TRPC4: variants seen among roughly 807,000 people sequenced by gnomAD.
TRPC4 encodes the protein short transient receptor potential channel 4.
TRPC4 carries 49 observed loss-of-function variants against 99.4 expected under a neutral mutation model. That is an observed-to-expected ratio of 0.49 (90% CI 0.39 to 0.63). The LOEUF (loss-of-function observed/expected upper bound fraction) is 0.63. TRPC4 is among the 20% of genes least tolerant of loss of function. The probability of loss-of-function intolerance (pLI) is 0.00; values close to 1 mark genes in which losing one functional copy is unlikely to be tolerated. For missense variants in TRPC4, 898 were observed against 1,152.9 expected, an observed-to-expected ratio of 0.78 and a Z score of 3.20; for synonymous variants, 454 against 425.9, an observed-to-expected ratio of 1.07 and a Z score of -0.81.
chr13:37,637,553 T>C lies in TRPC4; in HGVS notation c.2284A>G (p.Ile762Val), dbSNP rs143708525. 43 of 1,612,892 alleles carry C rather than the reference T, an allele frequency of 2.7e-5. No individual in the cohort carries two copies. In the African/African-American group the frequency reaches 4.7e-4, roughly 18 times the overall value. Residue 762 changes from isoleucine to valine, a missense_variant, in exon 11 of 11, where the codon ATA becomes GTA. Ile to Val is a conservative substitution (Grantham distance 29, BLOSUM62 3). This residue lies in a region of TRPC4 where 346 missense variants were observed against 351.4 expected (regional missense o/e 0.98). Coordinates refer to ENST00000379705, the MANE Select transcript of TRPC4 (RefSeq NM_016179.4). ...TCCTTCGAGGCATTCGCAGATTGTA[T>C]TGTGGAAAGTTTGCTTCCTCTTAGT... ...GLLRGSKLST[I>V]QSANASKESS...
chr13:37,790,279 A>G (rs1057471180), intron 1 of TRPC4, among the ~76,000 whole-genome samples: 1 of 152,142 alleles, frequency 6.6e-6, no homozygotes, highest in Non-Finnish European at 1.5e-5. Flanking sequence ...AAGATGCATA[A>G]GACATCAGAA....
chr13:37,718,069 AC>A (rs1241036099), intron 3 of TRPC4, among the ~76,000 whole-genome samples: 2 of 152,036 alleles, frequency 1.3e-5, no homozygotes, highest in Non-Finnish European at 2.9e-5. Flanking sequence ...ATAATGGCCT[AC>A]AAAAATATAT....
rs149812902 is a variant in TRPC4, at chr13:37,697,230, G to A, written c.898-4895C>T. Among the ~76,000 whole-genome samples the A allele has an allele frequency of 4.8e-3, 736 of 152,242 alleles. 3 individuals carry two copies. Among genetic ancestry groups the A allele is most frequent in the Middle Eastern group, 0.017 (5 of 294 alleles). Reference sequence around the variant, plus strand: ...GTGAGGGGAGTGCCATGATCTGTAAGAACCACATAAATCTGTCTTCTGGGA... The same window carrying A: ...GTGAGGGGAGTGCCATGATCTGTAAAAACCACATAAATCTGTCTTCTGGGA... On this transcript the variant is annotated intron_variant, in intron 3 of 10. Transcript: ENST00000379705.
chr13:37,799,503 C>T (rs1957344587), intron 1 of TRPC4, among the ~76,000 whole-genome samples: 1 of 152,060 alleles, frequency 6.6e-6, no homozygotes, highest in South Asian at 2.1e-4. Flanking sequence ...ACTTTGATAC[C>T]TTTGTGGTTT....
At chr13:37,800,024 T>C (rs1317218799) in intron 1 of TRPC4, among the ~76,000 whole-genome samples, 1 of 152,206 alleles carries the variant, frequency 6.6e-6, no homozygotes. Context: ...AAGTGGCTAA[T>C]ATATAGGTAT....
intron 3 of TRPC4, among the ~76,000 whole-genome samples, chr13:37,744,678 G>T (rs900550644): frequency 5.9e-5 from 9 of 152,120 alleles, no homozygotes; most frequent in African/African-American, 1.9e-4. Flanking sequence ...AAATTCAAAA[G>T]AAACTGAGTA....
intron 4 of TRPC4, among the ~76,000 whole-genome samples, chr13:37,674,821 G>A (rs1952990302): frequency 6.6e-6 from 1 of 152,134 alleles, no homozygotes; most frequent in African/African-American, 2.4e-5. Flanking sequence ...TCTTTAAGCA[G>A]TTAGTGCCTT....
Position 37,695,822 on chromosome 13 carries a change from A to G in TRPC4, c.898-3487T>C, listed in dbSNP as rs116763393. 9.2e-3 allele frequency among the ~76,000 whole-genome samples: 1,396 copies of G among 152,318 alleles called. 32 individuals are homozygous for G. The highest frequency in any genetic ancestry group is 0.032 in the African/African-American group (1,341 of 41,582). ...ATCTAATCTCATTTTTACAAATAGA[A>G]TAAGAGAGATCCAGTATCAATGATT... On this transcript the variant is annotated intron_variant, in intron 3 of 10. Coordinates refer to ENST00000379705, the MANE Select transcript of TRPC4 (RefSeq NM_016179.4).
At chr13:37,807,784 G>A (rs1957565815) in intron 1 of TRPC4, among the ~76,000 whole-genome samples, 1 of 151,982 alleles carries the variant, frequency 6.6e-6, no homozygotes, top group Non-Finnish European at 1.5e-5. Flanking sequence ...ATGACAAATT[G>A]TTTTACAGTA....
intron 6 of TRPC4, among the ~76,000 whole-genome samples, 159 bp downstream of exon 6, chr13:37,663,257 A>G (rs923850164): frequency 6.6e-6 from 1 of 152,182 alleles, no homozygotes; most frequent in Non-Finnish European, 1.5e-5. Flanking sequence ...GGAAGTTTTC[A>G]TTTCTATTCA....
At chr13:37,864,193 T>G (rs1959587009) in intron 1 of TRPC4, among the ~76,000 whole-genome samples, 1 of 151,674 alleles carries the variant, frequency 6.6e-6, no homozygotes, top group African/African-American at 2.4e-5. Flanking sequence ...CAAAGAAGTC[T>G]CTGGCTTTCT....
intron 3 of TRPC4, among the ~76,000 whole-genome samples, chr13:37,730,026 A>G (rs1283905873): frequency 6.6e-6 from 1 of 152,122 alleles, no homozygotes; most frequent in Non-Finnish European, 1.5e-5. Flanking sequence ...ACAGAACAAA[A>G]CAAAGCACAG....
At chr13:37,697,763 G>A (rs1185564472) in intron 3 of TRPC4, among the ~76,000 whole-genome samples, 3 of 152,160 alleles carry the variant, frequency 2.0e-5, no homozygotes, top group African/African-American at 7.2e-5. Flanking sequence ...AATCTGCATA[G>A]CATGATTCCT....
intron 1 of TRPC4, among the ~76,000 whole-genome samples, chr13:37,868,471 CA>C (rs1228513193): frequency 6.6e-6 from 1 of 151,992 alleles, no homozygotes; most frequent in East Asian, 1.9e-4. Context: ...AGAGTTTTAC[CA>C]AAAACACCCC....
At chr13:37,812,432 G>A (rs928216692) in intron 1 of TRPC4, among the ~76,000 whole-genome samples, 6 of 151,834 alleles carry the variant, frequency 4.0e-5, no homozygotes, top group African/African-American at 1.5e-4. Flanking sequence ...AGCAAGAAAA[G>A]CTACATTATG....
At chr13:37,779,230 A>G (rs1033364189) in intron 2 of TRPC4, among the ~76,000 whole-genome samples, 1 of 152,066 alleles carries the variant, frequency 6.6e-6, no homozygotes, top group Non-Finnish European at 1.5e-5. Flanking sequence ...TTACCAATCA[A>G]TGGACTGAAA....
At chr13:37,802,628 A>G (rs1051287330) in intron 1 of TRPC4, among the ~76,000 whole-genome samples, 3 of 152,116 alleles carry the variant, frequency 2.0e-5, no homozygotes, top group Non-Finnish European at 2.9e-5. Flanking sequence ...GGTTAAGGTC[A>G]TGTCTGCCAG....
intron 3 of TRPC4, among the ~76,000 whole-genome samples, chr13:37,745,490 T>TG (rs1430019868): frequency 6.3e-5 from 7 of 111,972 alleles, no homozygotes; most frequent in African/African-American, 2.1e-4. Context: ...ACACACACAC[T>TG]TATATATACG....
At chr13:37,864,658 A>T (rs1959619102) in intron 1 of TRPC4, among the ~76,000 whole-genome samples, 1 of 151,656 alleles carries the variant, frequency 6.6e-6, no homozygotes, top group Admixed American at 6.6e-5. Flanking sequence ...TAAAAAGTTT[A>T]CTGTCTAGAT....
Sources: gnomAD v4.1 joint callset for allele counts (sites outside exome capture counted in the v4.1 genomes callset) on GRCh38, gnomAD v4.1.1 for gene constraint, gnomAD v4.1.1 regional missense constraint, MANE v1.5 for transcripts, NCBI Gene and HGNC (gene_info 2026-07-23, HGNC 2026-07-21) for gene names.